SPEG: variants seen among roughly 807,000 people sequenced by gnomAD.
The protein encoded by SPEG is striated muscle enriched protein kinase.
Under a neutral mutation model 300.4 loss-of-function variants are expected in SPEG, and 114 were observed. That is an observed-to-expected ratio of 0.38 (90% CI 0.33 to 0.44). The LOEUF is 0.44. SPEG is among the 20% of genes least tolerant of loss of function. The pLI is 1.00. For synonymous variants in SPEG, 1,964 were observed against 2,018.9 expected, an observed-to-expected ratio of 0.97 and a Z score of 0.73; for missense variants, 4,201 against 4,586.2, an observed-to-expected ratio of 0.92 and a Z score of 2.43.
At chr2:219,472,101 C>A in intron 14 of SPEG, 114 bp downstream of exon 14, 1 of 1,517,992 alleles carries the variant, frequency 6.6e-7, no homozygotes, top group Non-Finnish European at 8.9e-7. Context: ...CCCCTGGGGA[C>A]CCTCTTGCCT....
Position 219,452,666 on chromosome 2 carries a change from G to A in SPEG, c.2440+859G>A, listed in dbSNP as rs762440038. 4.6e-5 allele frequency among the ~76,000 whole-genome samples: 7 copies of A among 152,132 alleles called. No homozygotes were observed. In the South Asian group the frequency reaches 6.2e-4, roughly 14 times the overall value. ...ATCTAGTGCCGAGGACATCCGAGCCGTTGCTTAGTGTTCTGGGATGCCTGC... is the reference window on the plus strand; with the variant it reads ...ATCTAGTGCCGAGGACATCCGAGCCATTGCTTAGTGTTCTGGGATGCCTGC... On this transcript the variant is annotated intron_variant, in intron 6 of 40. Coordinates refer to ENST00000312358, the MANE Select transcript of SPEG (RefSeq NM_005876.5).
In SPEG at chr2:219,464,255, A is replaced by T. The variant is rs1691039114; in HGVS notation, c.2706-178A>T. ...AGCTCCTAGAGGTGGGTGGGATGGC[A>T]GAGTGGGGGTAAAAACCTAGCCCTG... On this transcript the variant is annotated intron_variant, in intron 8 of 40. Transcript: ENST00000312358. This position sits in a 1 kb window ranked among gnomAD's most constrained non-coding sequence, Gnocchi z 4.5. 6.6e-6 allele frequency among the ~76,000 whole-genome samples: 1 copy of T among 152,192 alleles called. No individual in the cohort carries two copies.
intron 9 of SPEG, chr2:219,465,745 C>T (rs898206062): frequency 1.2e-5 from 6 of 491,354 alleles, no homozygotes; most frequent in South Asian, 4.4e-5. Flanking sequence ...GCTGCCCTGA[C>T]GGTGTGAGAG....
At position 219,482,856 on chromosome 2, in the gene SPEG, A is replaced by G. The variant is rs1395410825; in HGVS notation, c.5634+4A>G. 2 of 1,613,326 alleles carry G rather than the reference A, an allele frequency of 1.2e-6. No individual in the cohort carries two copies. The highest frequency in any genetic ancestry group is 1.7e-6 in the Non-Finnish European group (2 of 1,179,688). On this transcript the variant is annotated splice_donor_region_variant and intron_variant, in intron 29 of 40. Transcript: ENST00000312358. ...CCTCTCCCGGCGGAGGTGGCAGGTA[A>G]GTGTGGCAGGCCAGCCTCTGTGCTT...
At position 219,451,752 on chromosome 2, in the gene SPEG, C is replaced by T. The variant is rs370288115; in HGVS notation, c.2385C>T (p.Thr795=). The T allele has an allele frequency of 6.7e-5, 105 of 1,557,120 alleles. No individual in the cohort carries two copies. The highest frequency in any genetic ancestry group is 3.1e-4 in the African/African-American group (23 of 73,398). ...CAGATGCCGGGAGCTATATGGCCAC[C>T]GCCACCAACGAGCTGGGCCAGGCCA... ...RAADAGSYMA[T]ATNELGQATC... is the part of the protein sequence containing the mutation. The change falls in exon 6 of 41, where the codon ACC becomes ACT. Residue 795 remains threonine (T), a synonymous_variant. Transcript: ENST00000312358. The surrounding 1 kb of genome is among the most constrained non-coding windows in gnomAD (Gnocchi z 6.4).
At chr2:219,472,178 G>T (rs1292133172) in intron 14 of SPEG, 49 bp from the exon 15 acceptor site, 1 of 1,586,884 alleles carries the variant, frequency 6.3e-7, no homozygotes, top group Non-Finnish European at 8.6e-7. Context: ...TGATCCTGTG[G>T]GGCTGTTGGG....
In SPEG at chr2:219,465,911, GCGTGTGTGTGTGCGCGCGTGTGCGTGCA is replaced by G. The variant is rs1691261775; in HGVS notation, c.2882-1256_2882-1229del. On this transcript the variant is annotated intron_variant, in intron 9 of 40. Coordinates refer to ENST00000312358, the MANE Select transcript of SPEG (RefSeq NM_005876.5). ...CATGTGTGCGTATGGGTGTGTGCAT[GCGTGTGTGTGTGCGCGCGTGTGCGTGCA>G]CGTGTGCGTGCATGTGTGCGTGTGC... 4.6e-5 allele frequency: 32 copies of G among 695,980 alleles called. No individual in the cohort carries two copies. The South Asian group carries it at 5.4e-4, about 12-fold the overall frequency. The allele number at this position is 695,980 out of a possible 1,614,324, so 43.1% of individuals were successfully genotyped here. A position where few individuals can be genotyped will look rare whatever the true frequency, so the allele number is the denominator to read the frequency against.
chr2:219,451,679 G>C lies in SPEG; in HGVS notation c.2312G>C (p.Arg771Pro), dbSNP rs777921884. 3 of 1,585,840 alleles carry C rather than the reference G, an allele frequency of 1.9e-6. No individual in the cohort carries two copies. In the Admixed American group the frequency reaches 5.3e-5, roughly 28 times the overall value. The change falls in exon 6 of 41, where the codon CGG (arginine) becomes CCG (proline). Residue 771 changes from arginine (R) to proline (P), a missense_variant. Arg to Pro is a moderately radical substitution (Grantham distance 103, BLOSUM62 -2). Transcript: ENST00000312358. This position sits in a 1 kb window ranked among gnomAD's most constrained non-coding sequence, Gnocchi z 6.4. ...CGCAGCGAGGGCCGCCTCCTCCTCC[G>C]GGCTGAGGGTGAGCGGCACACCCTG... ...ALRSEGRLLL[R>P]AEGERHTLLL...
Position 219,449,104 on chromosome 2 carries a change from AG to A in SPEG, c.1949del (p.Gly650AlafsTer70). 1.3e-6 allele frequency: 2 copies of A among 1,487,892 alleles called. No individual in the cohort carries two copies. The highest frequency in any genetic ancestry group is 1.8e-6 in the Non-Finnish European group (2 of 1,120,878). The allele number at this position is 1,487,892 out of a possible 1,614,324, so 92.2% of individuals were successfully genotyped here. On this transcript the variant is annotated frameshift_variant, in exon 4 of 41. Transcript: ENST00000312358. LOFTEE classifies it high-confidence loss of function. ...CTGCCCTGGGCCACGCCGGGCCTGG[AG>A]GGCGCTGCTGTACCCCAGACCTTGG... is the stretch of plus-strand genomic sequence containing the variant. ...RFLPWATPGL[E>X]GAAVPQTLEK...
chr2:219,454,027 C>G (rs1238497519), intron 6 of SPEG, among the ~76,000 whole-genome samples: 1 of 152,136 alleles, frequency 6.6e-6, no homozygotes, highest in Non-Finnish European at 1.5e-5. Context: ...TGGGAAGAGG[C>G]CTGCGTGCAG....
chr2:219,448,193 C>G lies in SPEG; in HGVS notation c.1035C>G (p.Pro345=). Reference sequence around the variant, plus strand: ...GTCGCACTCAGGAGCCTGTGCTGCCCGAGGACACCACCACCGAAGAGAAGC... The same window carrying G: ...GTCGCACTCAGGAGCCTGTGCTGCCGGAGGACACCACCACCGAAGAGAAGC... ...PHRRTQEPVL[P]EDTTTEEKRG... Residue 345 remains proline (P), a synonymous_variant, in exon 4 of 41, where the codon CCC becomes CCG. Transcript: ENST00000312358. The G allele has an allele frequency of 1.2e-6, 2 of 1,612,352 alleles. No homozygotes were observed. The highest frequency in any genetic ancestry group is 1.7e-6 in the Non-Finnish European group (2 of 1,179,600).
rs1954682376 is a variant in SPEG, at chr2:219,435,220, G to T, written c.243G>T (p.Gln81His). Residue 81 changes from glutamine (Q) to histidine (H), a missense_variant, in exon 1 of 41, where the codon CAG (glutamine) becomes CAT (histidine). Gln to His is a conservative substitution (Grantham distance 24). Around this residue, in one of 4 missense-constraint regions of SPEG, gnomAD observed 1,258 missense variants for 1,293.9 expected, o/e 0.97. Coordinates refer to ENST00000312358, the MANE Select transcript of SPEG (RefSeq NM_005876.5). The part of the protein sequence containing the change: ...QPSLRWFRDG[Q>H]LLPAPAPEPS... ...GCCTCCGCTGGTTCCGGGATGGGCA[G>T]CTCCTGCCCGCGCCGGCCCCCGAGC... 6.8e-7 allele frequency: 1 copy of T among 1,479,534 alleles called. No homozygotes were observed. The highest frequency in any genetic ancestry group is 2.8e-5 in the East Asian group (1 of 35,284). The allele number at this position is 1,479,534 out of a possible 1,614,324, so 91.7% of individuals were successfully genotyped here.
chr2:219,465,694 C>T (rs539209442), intron 9 of SPEG: 135 of 332,328 alleles, frequency 4.1e-4, no homozygotes, highest in African/African-American at 2.7e-3. Context: ...TGCCGGCCCT[C>T]GCAGCCCAGA....
Position 219,481,482 on chromosome 2 carries a change from C to A in SPEG, c.5522+26C>A, listed in dbSNP as rs1475111984. The A allele has an allele frequency of 6.8e-6, 11 of 1,612,622 alleles. No individual in the cohort carries two copies. Among genetic ancestry groups the A allele is most frequent in the Non-Finnish European group, 9.3e-6 (11 of 1,178,994 alleles). On this transcript the variant is annotated intron_variant, in intron 27 of 40. Coordinates refer to ENST00000312358, the MANE Select transcript of SPEG (RefSeq NM_005876.5). This position sits in a 1 kb window ranked among gnomAD's most constrained non-coding sequence, Gnocchi z 5.4. Reference sequence around the variant, plus strand: ...GTGAGTACAAGGCCCTGGGAGCCCCCACCTGCAGGGTCACCCTCATACCAC... The same window carrying A: ...GTGAGTACAAGGCCCTGGGAGCCCCAACCTGCAGGGTCACCCTCATACCAC...
rs1433573431 is a variant in SPEG at position 219,451,262 on chromosome 2, C to G, written c.2240C>G (p.Ala747Gly). The G allele has an allele frequency of 6.2e-7, 1 of 1,610,828 alleles. No homozygotes were observed. Among genetic ancestry groups the G allele is most frequent in the Admixed American group, 1.7e-5 (1 of 59,576 alleles). The change falls in exon 5 of 41, where the codon GCC becomes GGC. Residue 747 changes from alanine to glycine, a missense_variant. Physicochemically the swap from Ala to Gly is moderately conservative, Grantham distance 60. Transcript: ENST00000312358. This position sits in a 1 kb window ranked among gnomAD's most constrained non-coding sequence, Gnocchi z 6.4. The stretch of plus-strand genomic sequence containing the variant: ...GTGCTGCTCAAGTGTATCATCACTG[C>G]CAACCCCCCGCCCCAAGGTGAGCTC... Reference protein sequence around the residue: ...ADVLLKCIITANPPPQVSWHK... With the variant: ...ADVLLKCIITGNPPPQVSWHK...
In SPEG at chr2:219,451,371, G is replaced by C; in HGVS notation, c.2257+92G>C. The stretch of plus-strand genomic sequence containing the variant: ...GGTTCCCCCGGACTCCTCCAAGGGA[G>C]GGGTGGGAAAGAGGGGAATTATCCC... On this transcript the variant is annotated intron_variant, in intron 5 of 40. Coordinates refer to ENST00000312358, the MANE Select transcript of SPEG (RefSeq NM_005876.5). This position sits in a 1 kb window ranked among gnomAD's most constrained non-coding sequence, Gnocchi z 6.4. 6 of 1,481,002 alleles carry C rather than the reference G, an allele frequency of 4.1e-6. No individual in the cohort carries two copies. The highest frequency in any genetic ancestry group is 5.4e-6 in the Non-Finnish European group (6 of 1,111,898). 91.7% of individuals were successfully genotyped at this position (1,481,002 alleles called of 1,614,324 possible).
Position 219,485,088 on chromosome 2 carries a change from G to A in SPEG, c.7609+16G>A, listed in dbSNP as rs892242440. 4.6e-6 allele frequency: 7 copies of A among 1,530,556 alleles called. No homozygotes were observed. Among genetic ancestry groups the A allele is most frequent in the Non-Finnish European group, 6.1e-6 (7 of 1,145,104 alleles). The allele number at this position is 1,530,556 out of a possible 1,614,324, so 94.8% of individuals were successfully genotyped here. Reference sequence around the variant, plus strand: ...GGCTCCTCAGGTGAGGAGGGGCAGGGGTAGGGCAGCAGGTGCAGAGGAGGG... The same window carrying A: ...GGCTCCTCAGGTGAGGAGGGGCAGGAGTAGGGCAGCAGGTGCAGAGGAGGG... On this transcript the variant is annotated intron_variant, in intron 30 of 40. Transcript: ENST00000312358.
At chr2:219,469,118 A>G in intron 12 of SPEG, 38 bp from the exon 13 acceptor site, 2 of 1,610,536 alleles carry the variant, frequency 1.2e-6, no homozygotes, top group Non-Finnish European at 1.7e-6. Context: ...GGTGGGAGGC[A>G]CGGCCCTGGG....
chr2:219,480,125 G>A lies in SPEG; in HGVS notation c.5327G>A (p.Gly1776Glu). 2 of 1,613,816 alleles carry A rather than the reference G, an allele frequency of 1.2e-6. No homozygotes were observed. Among genetic ancestry groups the A allele is most frequent in the Non-Finnish European group, 1.7e-6 (2 of 1,179,990 alleles). Residue 1776 changes from glycine (G) to glutamate (E), a missense_variant, in exon 25 of 41, where the codon GGA (glycine) becomes GAA (glutamate). By Grantham distance (98) the Gly-to-Glu change is moderately conservative (BLOSUM62 -2). Coordinates refer to ENST00000312358, the MANE Select transcript of SPEG (RefSeq NM_005876.5). This position sits in a 1 kb window ranked among gnomAD's most constrained non-coding sequence, Gnocchi z 5.3. Reference protein sequence around the residue: ...PEIVNQSPVSGVTDIWPVGVV... With the variant: ...PEIVNQSPVSEVTDIWPVGVV... ...ATTGTCAATCAGAGCCCCGTGTCTG[G>A]AGTCACTGACATCTGGTAAGGCTGG... is the stretch of plus-strand genomic sequence containing the variant.
Sources: gnomAD v4.1 joint callset for allele counts (sites outside exome capture counted in the v4.1 genomes callset) on GRCh38, gnomAD v4.1.1 for gene constraint, gnomAD v4.1.1 regional missense constraint, Gnocchi (gnomAD v3.1) non-coding constraint, MANE v1.5 for transcripts, NCBI Gene and HGNC (gene_info 2026-07-23, HGNC 2026-07-21) for gene names.